The following PRKCQ variants were observed in gnomAD, a reference collection of about 807,000 sequenced individuals.
PRKCQ encodes protein kinase C theta type.
Under a neutral mutation model 91.2 loss-of-function variants are expected in PRKCQ, and 41 were observed. The observed-to-expected ratio is 0.45, with a 90% confidence interval of 0.35 to 0.58. The LOEUF (loss-of-function observed/expected upper bound fraction) is 0.58, where lower values mean the gene tolerates loss of function less well. PRKCQ is among the 20% of genes least tolerant of loss of function. The pLI is 0.00. For synonymous variants in PRKCQ, 307 were observed against 316.9 expected (o/e 0.97, Z 0.33); for missense variants, 673 against 896.5 (o/e 0.75, Z 3.18).
chr10:6,573,091 A>C (rs567997294), intron 1 of PRKCQ, among the ~76,000 whole-genome samples: 97 of 152,340 alleles, frequency 6.4e-4, no homozygotes, highest in African/African-American at 2.2e-3. Context: ...GTTTCATGAA[A>C]TAATTACCCT....
intron 1 of PRKCQ, among the ~76,000 whole-genome samples, chr10:6,543,341 G>A (rs936213707): frequency 2.0e-5 from 3 of 152,202 alleles, no homozygotes; most frequent in African/African-American, 7.2e-5. Context: ...TTTCAGCTGA[G>A]CGCAGTCTGG....
intron 10 of PRKCQ, 84 bp downstream of exon 10, chr10:6,485,068 G>A (rs778484647): frequency 2.4e-6 from 3 of 1,225,306 alleles, no homozygotes; most frequent in Non-Finnish European, 3.6e-6. Flanking sequence ...CAGGTAAGCT[G>A]ATAACTTAAA....
At position 6,510,945 on chromosome 10, in the gene PRKCQ, G is replaced by T. The variant is rs114278082; in HGVS notation, c.318+50C>A. On this transcript the variant is annotated intron_variant, in intron 3 of 17. Coordinates refer to ENST00000263125, the MANE Select transcript of PRKCQ (RefSeq NM_006257.5). ...ACATGGGAGTTCTGAGCCAGTCATC[G>T]GCTACCATCATGCTTATCCCTTATG... is the stretch of plus-strand genomic sequence containing the variant. The T allele has an allele frequency of 1.7e-3, 2,782 of 1,605,552 alleles. 37 individuals carry two copies. In the African/African-American group the frequency reaches 0.033, roughly 19 times the overall value.
At chr10:6,408,366 G>GA in the PRKCQ span, among the ~76,000 whole-genome samples, 1 of 151,586 alleles carries the variant, frequency 6.6e-6, no homozygotes, top group Admixed American at 6.6e-5. Context: ...GCCACTTTTT[G>GA]TTTTTTTTGA....
At chr10:6,567,457 G>A (rs1172040959) in intron 1 of PRKCQ, among the ~76,000 whole-genome samples, 1 of 152,258 alleles carries the variant, frequency 6.6e-6, no homozygotes, top group East Asian at 1.9e-4. Flanking sequence ...TGCACAGTAA[G>A]ACGCGTCACC....
chr10:6,433,251 C>T (rs1833509056), intron 16 of PRKCQ, among the ~76,000 whole-genome samples: 2 of 152,224 alleles, frequency 1.3e-5, no homozygotes, highest in Admixed American at 1.3e-4. Flanking sequence ...CGGCCTCCTT[C>T]CCCCTCATCC....
chr10:6,513,094 T>C (rs1205646133), intron 2 of PRKCQ, among the ~76,000 whole-genome samples: 4 of 152,192 alleles, frequency 2.6e-5, no homozygotes, highest in African/African-American at 9.7e-5. Flanking sequence ...TTCGCCACGT[T>C]TGTAATCACC....
chr10:6,491,934 T>A (rs1388164348), intron 7 of PRKCQ, 122 bp from the exon 8 acceptor site: 11 of 1,402,414 alleles, frequency 7.8e-6, no homozygotes, highest in African/African-American at 2.8e-5. Flanking sequence ...GTGTGCATTT[T>A]AAACCATCAT....
At chr10:6,567,052 G>C (rs1051039087) in intron 1 of PRKCQ, among the ~76,000 whole-genome samples, 1 of 152,184 alleles carries the variant, frequency 6.6e-6, no homozygotes, top group Non-Finnish European at 1.5e-5. Context: ...GAGTTAAAGA[G>C]AGAAAGAGAA....
At chr10:6,438,046 G>A (rs987986816) in intron 16 of PRKCQ, among the ~76,000 whole-genome samples, 1 of 152,244 alleles carries the variant, frequency 6.6e-6, no homozygotes, top group Admixed American at 6.5e-5. Flanking sequence ...GTCATTAAAA[G>A]TGCCTTTAAT....
chr10:6,409,283 T>C, the PRKCQ span, among the ~76,000 whole-genome samples: 1 of 152,190 alleles, frequency 6.6e-6, no homozygotes, highest in Non-Finnish European at 1.5e-5. Context: ...TTTCTTTTTC[T>C]GTTTTAGTTT....
At chr10:6,542,638 G>C (rs1406385218) in intron 1 of PRKCQ, among the ~76,000 whole-genome samples, 1 of 152,166 alleles carries the variant, frequency 6.6e-6, no homozygotes, top group Non-Finnish European at 1.5e-5. Context: ...TTCAACAGCT[G>C]GATCACTAGG....
rs148769851 is a variant in PRKCQ, at chr10:6,443,161, T to G, written c.1648-1080A>C. ...AAAAAAGGCTTTGTATGTTGATCTT[T>G]CAATGAATTCCTTTTTGGACATTGG... On this transcript the variant is annotated intron_variant, in intron 15 of 17. Coordinates refer to ENST00000263125, the MANE Select transcript of PRKCQ (RefSeq NM_006257.5). Among the ~76,000 whole-genome samples the G allele has an allele frequency of 7.2e-5, 11 of 152,296 alleles. No individual in the cohort carries two copies. In the East Asian group the frequency reaches 2.1e-3, roughly 29 times the overall value.
At chr10:6,408,046 GTTTTT>G in the PRKCQ span, among the ~76,000 whole-genome samples, 120 of 84,224 alleles carry the variant, frequency 1.4e-3, 1 homozygote, top group East Asian at 5.3e-3. Context: ...TCTTGTGTCA[GTTTTT>G]TTTTTTTTTT....
At chr10:6,540,052 T>A (rs1339063218) in intron 1 of PRKCQ, among the ~76,000 whole-genome samples, 1 of 152,212 alleles carries the variant, frequency 6.6e-6, no homozygotes, top group African/African-American at 2.4e-5. Context: ...CTGCCTGTTC[T>A]TCTTGACAGT....
intron 12 of PRKCQ, among the ~76,000 whole-genome samples, chr10:6,466,882 T>A (rs898847474): frequency 6.6e-6 from 1 of 152,184 alleles, no homozygotes; most frequent in South Asian, 2.1e-4. Context: ...TTGCAAAGAA[T>A]GTGGGCTTCA....
At chr10:6,572,471 G>A (rs554911203) in intron 1 of PRKCQ, among the ~76,000 whole-genome samples, 1 of 152,262 alleles carries the variant, frequency 6.6e-6, no homozygotes, top group Admixed American at 6.5e-5. Context: ...ACTTATAAGT[G>A]AGAACATAAG....
chr10:6,498,464 C>T lies in PRKCQ; in HGVS notation c.474G>A (p.Lys158=), dbSNP rs1564354133. The T allele has an allele frequency of 6.2e-7, 1 of 1,614,200 alleles. No individual in the cohort carries two copies. The highest frequency in any genetic ancestry group is 8.5e-7 in the Non-Finnish European group (1 of 1,180,036). ...AIKQAKVHHV[K]CHEFTATFFP... ...AGAAGGTGGCAGTGAACTCGTGGCA[C>T]TTGACGTGGTGGACCTTTGCCTGCT... The change falls in exon 5 of 18, where the codon AAG becomes AAA. Residue 158 remains lysine (K), a synonymous_variant. Transcript: ENST00000263125.
At chr10:6,525,148 C>CT (rs55673084) in intron 1 of PRKCQ, among the ~76,000 whole-genome samples, 13,625 of 134,018 alleles carry the variant, frequency 0.1, 758 homozygotes, top group Middle Eastern at 0.13. Flanking sequence ...ATTTTAAGTT[C>CT]TTTTTTTTTT....
Sources: allele counts gnomAD v4.1 joint callset (sites outside exome capture counted in the v4.1 genomes callset), GRCh38; gene constraint gnomAD v4.1.1; transcripts MANE v1.5; gene names NCBI Gene and HGNC (gene_info 2026-07-23, HGNC 2026-07-21).